The following VPS13D variants were observed in gnomAD, a reference collection of about 807,000 sequenced individuals.
The protein encoded by VPS13D is vacuolar protein sorting 13 homolog D, also known as intermembrane lipid transfer protein VPS13D.
VPS13D carries 187 observed loss-of-function variants against 461.9 expected under a neutral mutation model. The ratio of observed to expected loss-of-function variants is 0.40; its 90% CI spans 0.36 to 0.46. The LOEUF (loss-of-function observed/expected upper bound fraction) is 0.46, where lower values mean the gene tolerates loss of function less well. Ranked by LOEUF, VPS13D falls within the 20% of genes least tolerant of loss-of-function variation. The pLI is 0.60. For synonymous variants in VPS13D, 1,951 were observed against 1,986.3 expected (o/e 0.98, Z 0.47); for missense variants, 4,711 against 5,364.9 (o/e 0.88, Z 3.81).
chr1:12,424,013 C>T (rs1644894220), intron 65 of VPS13D, among the ~76,000 whole-genome samples: 1 of 152,286 alleles, frequency 6.6e-6, no homozygotes, highest in East Asian at 1.9e-4. Flanking sequence ...TGTATGACTG[C>T]TCCATTTTAT....
intron 44 of VPS13D, 143 bp downstream of exon 44, chr1:12,346,795 G>GATT: frequency 5.0e-6 from 4 of 806,228 alleles, no homozygotes; most frequent in Non-Finnish European, 7.3e-6. Flanking sequence ...TTCTATTAAT[G>GATT]ATTACCTTCC....
intron 8 of VPS13D, 121 bp from the exon 9 acceptor site, chr1:12,256,866 T>G: frequency 5.7e-6 from 6 of 1,048,254 alleles, no homozygotes. Flanking sequence ...TCTTTCAGTT[T>G]GCACTGGGTT....
Position 12,314,319 on chromosome 1 carries a change from A to G in VPS13D, c.7140A>G (p.Leu2380=), listed in dbSNP as rs746478960. 69 of 1,612,568 alleles carry G rather than the reference A, an allele frequency of 4.3e-5. No individual in the cohort carries two copies. In the South Asian group the frequency reaches 4.9e-4, roughly 12 times the overall value. Residue 2380 remains leucine, a synonymous_variant, in exon 30 of 70, where the codon CTA becomes CTG. Coordinates refer to ENST00000620676, the MANE Select transcript of VPS13D (RefSeq NM_015378.4). ...CCCAAGGGTCCATTCAGATTGAACT[A>G]CATTTCAGGTAGCAGGTCCAGACCC... is the stretch of plus-strand genomic sequence containing the variant. ...STTQGSIQIE[L]HFRSTKDSSC... is the part of the protein sequence containing the mutation.
In VPS13D at chr1:12,363,187, A is replaced by G. The variant is rs554804193; in HGVS notation, c.10388A>G (p.Asn3463Ser). The stretch of plus-strand genomic sequence containing the variant: ...TGTGTCAGACTGATGGACGTTCCCA[A>G]TTGTATTTGGTCTGGAGGCTTTGAA... ...LLCVRLMDVPNCIWSGGFEVN... is the reference protein window; with the variant it reads ...LLCVRLMDVPSCIWSGGFEVN... The change falls in exon 52 of 70, where the codon AAT becomes AGT. Residue 3463 changes from asparagine (N) to serine (S), a missense_variant. Coordinates refer to ENST00000620676, the MANE Select transcript of VPS13D (RefSeq NM_015378.4). The G allele has an allele frequency of 2.6e-5, 42 of 1,614,152 alleles. No homozygotes were observed. Among genetic ancestry groups the G allele is most frequent in the South Asian group, 6.6e-5 (6 of 91,078 alleles).
At chr1:12,396,919 A>C (rs538442798) in intron 60 of VPS13D, among the ~76,000 whole-genome samples, 9 of 152,100 alleles carry the variant, frequency 5.9e-5, no homozygotes, top group African/African-American at 2.2e-4. Context: ...TACTTTAAAA[A>C]GTTGTTTGTT....
intron 60 of VPS13D, among the ~76,000 whole-genome samples, chr1:12,399,883 T>G (rs1644551249): frequency 6.6e-6 from 1 of 152,210 alleles, no homozygotes; most frequent in Non-Finnish European, 1.5e-5. Flanking sequence ...ATTTTTATGT[T>G]GTGGAATGGC....
In VPS13D at chr1:12,271,041, C is replaced by T. The variant is rs756025227; in HGVS notation, c.2020C>T (p.Arg674Ter). The T allele has an allele frequency of 1.2e-6, 2 of 1,613,788 alleles. No homozygotes were observed. Among genetic ancestry groups the T allele is most frequent in the African/African-American group, 1.3e-5 (1 of 74,962 alleles). Residue 674 changes from arginine (R) to a stop codon, truncating the protein, a stop_gained, in exon 17 of 70, where the codon CGA (arginine) becomes TGA (stop). Coordinates refer to ENST00000620676, the MANE Select transcript of VPS13D (RefSeq NM_015378.4). LOFTEE classifies it high-confidence loss of function. ...ELELRVAEAA[R>*]RQYNKLKMQT... ...TGAGCTGAGAGTGGCTGAAGCTGCCCGAAGACAATATAACAAGCTGAAGAT... is the reference window on the plus strand; with the variant it reads ...TGAGCTGAGAGTGGCTGAAGCTGCCTGAAGACAATATAACAAGCTGAAGAT...
chr1:12,318,174 C>T lies in VPS13D; in HGVS notation c.7251C>T (p.Pro2417=), dbSNP rs1421306392. The T allele has an allele frequency of 1.9e-6, 3 of 1,614,044 alleles. No individual in the cohort carries two copies. Among genetic ancestry groups the T allele is most frequent in the Non-Finnish European group, 1.7e-6 (2 of 1,180,034 alleles). ...LLLVHDFLHT[P]SDIKKQNHVT... ...TAGTCCATGATTTTCTCCACACTCC[C>T]AGTGATATTAAGAAACAAAATCATG... is the stretch of plus-strand genomic sequence containing the variant. The change falls in exon 31 of 70, where the codon CCC becomes CCT. Residue 2417 remains proline, a synonymous_variant. Transcript: ENST00000620676.
rs1303753897 is a variant in VPS13D at position 12,248,652 on chromosome 1, A to AT, written c.448-565dup. On this transcript the variant is annotated intron_variant, in intron 5 of 69. Coordinates refer to ENST00000620676, the MANE Select transcript of VPS13D (RefSeq NM_015378.4). Reference sequence around the variant, plus strand: ...GAATCACTGTGCTCAACCTGTTATTATTTTTTAATTCATTGAAGCAGAGTG... The same window carrying AT: ...GAATCACTGTGCTCAACCTGTTATTATTTTTTTAATTCATTGAAGCAGAGTG... Among the ~76,000 whole-genome samples, 6 of 152,264 alleles carry AT rather than the reference A, an allele frequency of 3.9e-5. No homozygotes were observed. The East Asian group carries it at 1.2e-3, about 29-fold the overall frequency.
chr1:12,267,754 G>A, intron 14 of VPS13D, 91 bp from the exon 15 acceptor site: 1 of 1,088,410 alleles, frequency 9.2e-7, no homozygotes, highest in Non-Finnish European at 1.4e-6. Flanking sequence ...GGTGCTAAGG[G>A]AGTGTGTTGC....
At chr1:12,385,784 T>C (rs1292870701) in intron 59 of VPS13D, among the ~76,000 whole-genome samples, 1 of 152,244 alleles carries the variant, frequency 6.6e-6, no homozygotes, top group African/African-American at 2.4e-5. Context: ...TATTCAGTGA[T>C]TTTTGAAAAA....
intron 65 of VPS13D, among the ~76,000 whole-genome samples, chr1:12,427,858 A>C (rs1052529131): frequency 6.6e-6 from 1 of 152,162 alleles, no homozygotes; most frequent in Admixed American, 6.5e-5. Context: ...GAGCCTTGTT[A>C]GCCTCTCCTT....
At chr1:12,365,125 T>A (rs1022455364) in intron 52 of VPS13D, among the ~76,000 whole-genome samples, 3 of 152,214 alleles carry the variant, frequency 2.0e-5, no homozygotes, top group Non-Finnish European at 4.4e-5. Context: ...TCTATATGTC[T>A]TTATGCCAGT....
intron 67 of VPS13D, among the ~76,000 whole-genome samples, chr1:12,474,899 T>C (rs1283793887): frequency 6.6e-6 from 1 of 152,224 alleles, no homozygotes; most frequent in African/African-American, 2.4e-5. Flanking sequence ...TACAACGCAC[T>C]GTAGTGACAG....
At chr1:12,270,637 A>T (rs1408245754) in intron 16 of VPS13D, among the ~76,000 whole-genome samples, 1 of 152,170 alleles carries the variant, frequency 6.6e-6, no homozygotes, top group Non-Finnish European at 1.5e-5. Context: ...ATGGCTGTCC[A>T]TTCACTTACG....
chr1:12,270,544 T>C (rs1436836309), intron 16 of VPS13D, among the ~76,000 whole-genome samples: 2 of 152,342 alleles, frequency 1.3e-5, no homozygotes, highest in Non-Finnish European at 2.9e-5. Context: ...TTTTGAAATA[T>C]AGTAGTTTGG....
intron 30 of VPS13D, among the ~76,000 whole-genome samples, chr1:12,315,008 CTT>C (rs1191841003): frequency 6.6e-6 from 1 of 152,202 alleles, no homozygotes; most frequent in Non-Finnish European, 1.5e-5. Flanking sequence ...TGGCATATTG[CTT>C]GGCACAGTTG....
At chr1:12,301,426 G>T (rs1642422035) in intron 25 of VPS13D, among the ~76,000 whole-genome samples, 1 of 152,150 alleles carries the variant, frequency 6.6e-6, no homozygotes, top group Admixed American at 6.5e-5. Context: ...AGAACTCAGG[G>T]GAGCACATTT....
At position 12,335,995 on chromosome 1, in the gene VPS13D, A is replaced by G. The variant is rs186906948; in HGVS notation, c.8551+168A>G. 49 of 936,078 alleles carry G rather than the reference A, an allele frequency of 5.2e-5. 1 individual carries two copies. Among genetic ancestry groups the G allele is most frequent in the Non-Finnish European group, 1.6e-6 (1 of 643,710 alleles). The allele number at this position is 936,078 out of a possible 1,614,324, so 58.0% of individuals were successfully genotyped here. On this transcript the variant is annotated intron_variant, in intron 39 of 69. Transcript: ENST00000620676. ...TCTTTGCAGGAGACAGTTTTCTGGC[A>G]TGAACTACTGAACTTATAAATGTGG...
Sources: allele counts gnomAD v4.1 joint callset (sites outside exome capture counted in the v4.1 genomes callset), GRCh38; gene constraint gnomAD v4.1.1; transcripts MANE v1.5; gene names NCBI Gene and HGNC (gene_info 2026-07-23, HGNC 2026-07-21).